The following DMD variants were observed in gnomAD, a reference collection of about 807,000 sequenced individuals.
DMD encodes the protein dystrophin, also known as mutant dystrophin.
In DMD, 63 loss-of-function variants were observed where a neutral mutation model predicts 330.1. The observed-to-expected ratio is 0.19, with a 90% CI of 0.16 to 0.24. The LOEUF (loss-of-function observed/expected upper bound fraction) is 0.24, where lower values mean the gene tolerates loss of function less well. DMD is among the 10% of genes least tolerant of loss of function. The pLI is 1.00. For synonymous variants in DMD, 1,223 were observed against 959.8 expected (o/e 1.27, Z -5.07); for missense variants, 3,344 against 2,684.1 (o/e 1.25, Z -5.43).
chrX:32,685,984 A>G (rs1474209071), intron 9 of DMD, among the ~76,000 whole-genome samples: 3 of 111,560 alleles, frequency 2.7e-5, no homozygotes, highest in Non-Finnish European at 3.8e-5. Context: ...TTTTCTTTAC[A>G]TTGACATGCT....
chrX:31,396,558 T>G (rs1378974066), intron 60 of DMD, among the ~76,000 whole-genome samples: 2 of 97,013 alleles, frequency 2.1e-5, no homozygotes, highest in South Asian at 1.0e-3. Context: ...GTTTTTTTTT[T>G]TTTTTTTTTT....
Position 31,566,282 on chromosome X carries a change from T to G in DMD, c.8218-58829A>C, listed in dbSNP as rs768305893. ...ATTAAGTTTTTACAAGGTGTGAGAT[T>G]TAGGTTGAAGTTCTTTTTTTTTCCC... On this transcript the variant is annotated intron_variant, in intron 55 of 78. Transcript: ENST00000357033. Among the ~76,000 whole-genome samples the G allele has an allele frequency of 3.8e-3, 418 of 111,395 alleles. 3 individuals are homozygous for G. The highest frequency in any genetic ancestry group is 0.013 in the African/African-American group (394 of 30,416).
intron 65 of DMD, among the ~76,000 whole-genome samples, chrX:31,207,198 T>A (rs1319339885): frequency 9.0e-6 from 1 of 111,625 alleles, no homozygotes; most frequent in Non-Finnish European, 1.9e-5. Context: ...ACACATAATA[T>A]AGAATATAAA....
intron 1 of DMD, among the ~76,000 whole-genome samples, chrX:33,044,705 G>A (rs955706221): frequency 9.0e-6 from 1 of 111,630 alleles, no homozygotes; most frequent in Non-Finnish European, 1.9e-5. Context: ...AATGCTCAGC[G>A]TAGATTCTAG....
At chrX:31,274,334 G>A (rs774969190) in intron 62 of DMD, among the ~76,000 whole-genome samples, 3 of 112,049 alleles carry the variant, frequency 2.7e-5, no homozygotes, top group Non-Finnish European at 3.8e-5. Context: ...TAGTATTCAC[G>A]CATGTTAAAA....
chrX:31,265,498 C>T (rs1277089643), intron 62 of DMD, among the ~76,000 whole-genome samples: 4 of 110,938 alleles, frequency 3.6e-5, no homozygotes, highest in Non-Finnish European at 3.8e-5. Flanking sequence ...GGTGGCTGTT[C>T]CAGCTGTTAG....
chrX:31,355,866 ATAAT>A lies in DMD; in HGVS notation c.9085-7236_9085-7233del, dbSNP rs376452509. Reference sequence around the variant, plus strand: ...ATTCTTTTGAGTTGTAACTGAAAAAATAATAAAAAAAAAAAAAGTCTGAGATAAG... The same window carrying A: ...ATTCTTTTGAGTTGTAACTGAAAAAAAAAAAAAAAAAAAGTCTGAGATAAG... On this transcript the variant is annotated intron_variant, in intron 60 of 78. Transcript: ENST00000357033. Among the ~76,000 whole-genome samples, 39 of 102,188 alleles carry A rather than the reference ATAAT, an allele frequency of 3.8e-4. 1 individual carries two copies. Among genetic ancestry groups the A allele is most frequent in the South Asian group, 4.6e-4 (1 of 2,180 alleles). The allele number at this position is 102,188 out of a possible 115,157, so 88.7% of individuals were successfully genotyped here.
intron 44 of DMD, among the ~76,000 whole-genome samples, chrX:32,124,100 T>G (rs2096650584): frequency 8.9e-6 from 1 of 112,022 alleles, no homozygotes; most frequent in Admixed American, 9.5e-5. Flanking sequence ...GTATACTCAA[T>G]GCTGGAAATA....
At chrX:31,642,906 C>G (rs769033859) in intron 54 of DMD, among the ~76,000 whole-genome samples, 40 of 112,196 alleles carry the variant, frequency 3.6e-4, no homozygotes, top group Non-Finnish European at 6.8e-4. Context: ...GACAATCGTT[C>G]TTCCGATTTT....
At chrX:32,923,101 A>G (rs2088604985) in intron 2 of DMD, among the ~76,000 whole-genome samples, 1 of 111,947 alleles carries the variant, frequency 8.9e-6, no homozygotes. Flanking sequence ...CATTTTGCAC[A>G]ACCACTTTTA....
At chrX:32,861,598 A>G (rs751925113) in intron 2 of DMD, among the ~76,000 whole-genome samples, 5 of 111,577 alleles carry the variant, frequency 4.5e-5, no homozygotes, top group Non-Finnish European at 9.4e-5. Context: ...GACTCCTAAG[A>G]ATGAAAAGAA....
intron 44 of DMD, chrX:32,155,513 C>T: frequency 1.5e-6 from 1 of 648,813 alleles, no homozygotes; most frequent in Non-Finnish European, 1.8e-6. Context: ...CATCAGCCAA[C>T]TTTGTGTGTA....
rs909849045 is a variant in DMD, at chrX:32,726,577, G to C, written c.650-27284C>G. Among the ~76,000 whole-genome samples the C allele has an allele frequency of 3.6e-5, 4 of 111,301 alleles. No homozygotes were observed. The Admixed American group carries it at 3.8e-4, about 11-fold the overall frequency. On this transcript the variant is annotated intron_variant, in intron 7 of 78. Transcript: ENST00000357033. ...ATAAAATTCAGCTATGGATGTCTTA[G>C]CTATAATAATATCGAAACCAGTAAG...
intron 9 of DMD, among the ~76,000 whole-genome samples, chrX:32,647,052 T>C (rs1379938640): frequency 9.0e-6 from 1 of 111,143 alleles, no homozygotes; most frequent in Non-Finnish European, 1.9e-5. Flanking sequence ...GAAAATGATA[T>C]AAAGGCAGCC....
rs763262696 is a variant in DMD at position 31,724,269 on chromosome X, T to C, written c.7660+5362A>G. Among the ~76,000 whole-genome samples, 6 of 112,683 alleles carry C rather than the reference T, an allele frequency of 5.3e-5. No homozygotes were observed. In the East Asian group the frequency reaches 1.7e-3, roughly 31 times the overall value. ...CATTTCATTAGCAACAGAGATTTCA[T>C]ACAAATGTGGAGAACAACAGAGCCT... On this transcript the variant is annotated intron_variant, in intron 52 of 78. Coordinates refer to ENST00000357033, the MANE Select transcript of DMD (RefSeq NM_004006.3).
chrX:32,234,026 G>A (rs1032138871), intron 43 of DMD, among the ~76,000 whole-genome samples: 2 of 110,966 alleles, frequency 1.8e-5, no homozygotes, highest in East Asian at 2.8e-4. Flanking sequence ...CTGCGATTTC[G>A]GCAGCTTCAT....
At chrX:32,843,264 A>C (rs1485586891) in intron 4 of DMD, among the ~76,000 whole-genome samples, 7 of 112,530 alleles carry the variant, frequency 6.2e-5, no homozygotes, top group Non-Finnish European at 1.3e-4. Context: ...ATTTTGAAAC[A>C]GAATATGATA....
At chrX:31,976,749 G>C (rs189661479) in intron 44 of DMD, among the ~76,000 whole-genome samples, 1 of 111,631 alleles carries the variant, frequency 9.0e-6, no homozygotes, top group Non-Finnish European at 1.9e-5. Flanking sequence ...TGCTTTAAGA[G>C]AACAGAATTA....
intron 44 of DMD, among the ~76,000 whole-genome samples, chrX:32,105,717 T>C (rs2096561176): frequency 8.9e-6 from 1 of 112,057 alleles, no homozygotes; most frequent in South Asian, 3.6e-4. Context: ...GAACTTTGTG[T>C]CTTTATACTG....
Sources: gnomAD v4.1 joint callset for allele counts (sites outside exome capture counted in the v4.1 genomes callset) on GRCh38, gnomAD v4.1.1 for gene constraint, MANE v1.5 for transcripts, NCBI Gene and HGNC (gene_info 2026-07-23, HGNC 2026-07-21) for gene names.